Variants in SOX5 observed in about 807,000 individuals in gnomAD.
SOX5 encodes the protein transcription factor SOX-5.
A neutral mutation model predicts 92.0 loss-of-function variants in SOX5; 9 were observed. The observed-to-expected ratio is 0.10, with a 90% CI of 0.06 to 0.17. The LOEUF (loss-of-function observed/expected upper bound fraction) is 0.17, where lower values mean the gene tolerates loss of function less well. SOX5 is among the 10% of genes least tolerant of loss of function. The pLI is 1.00. For missense variants in SOX5, 642 were observed against 944.5 expected, an observed-to-expected ratio of 0.68 and a Z score of 4.20; for synonymous variants, 344 against 336.3, an observed-to-expected ratio of 1.02 and a Z score of -0.25.
At chr12:23,556,301 G>A (rs1945160628) in intron 11 of SOX5, among the ~76,000 whole-genome samples, 1 of 152,266 alleles carries the variant, frequency 6.6e-6, no homozygotes, top group East Asian at 1.9e-4. Context: ...AATTTGCAGG[G>A]TAGAGAGACT....
chr12:24,136,568 T>C (rs1950126784), intron 4 of SOX5, among the ~76,000 whole-genome samples: 1 of 152,182 alleles, frequency 6.6e-6, no homozygotes, highest in Non-Finnish European at 1.5e-5. Flanking sequence ...ATGACTAAAC[T>C]AAATTAATGA....
At chr12:24,228,720 A>G (rs1962663004) in intron 3 of SOX5, among the ~76,000 whole-genome samples, 1 of 152,114 alleles carries the variant, frequency 6.6e-6, no homozygotes, top group Admixed American at 6.5e-5. Context: ...CACACCCCAC[A>G]TACATACCAT....
intron 4 of SOX5, among the ~76,000 whole-genome samples, chr12:24,183,393 G>T (rs1471510625): frequency 1.3e-5 from 2 of 152,068 alleles, no homozygotes; most frequent in African/African-American, 2.4e-5. Flanking sequence ...TGACTGCAAA[G>T]GTTTTCCTGT....
rs1199390090 is a variant in SOX5 at position 23,664,170 on chromosome 12, G to A, written c.931+1274C>T. On this transcript the variant is annotated intron_variant, in intron 7 of 14. Transcript: ENST00000451604. ...ACGATATAGAGAAAGATTTAAAGAC[G>A]AGAAATAAATGTTGAAATCCCCAAT... Among the ~76,000 whole-genome samples, 6 of 152,034 alleles carry A rather than the reference G, an allele frequency of 3.9e-5. No homozygotes were observed. The East Asian group carries it at 7.7e-4, about 20-fold the overall frequency.
Position 23,792,338 on chromosome 12 carries a change from G to A in SOX5, c.482-36614C>T, listed in dbSNP as rs117059998. Among the ~76,000 whole-genome samples the A allele has an allele frequency of 6.4e-3, 964 of 151,746 alleles. 4 individuals are homozygous for A. The highest frequency in any genetic ancestry group is 0.011 in the Non-Finnish European group (716 of 67,904). ...ACATAACTAAGGCGATAAAAATCTC[G>A]GACAGGCCAGGCACAGTGGCTCATG... is the stretch of plus-strand genomic sequence containing the variant. On this transcript the variant is annotated intron_variant, in intron 3 of 14. Coordinates refer to ENST00000451604, the MANE Select transcript of SOX5 (RefSeq NM_006940.6).
intron 7 of SOX5, among the ~76,000 whole-genome samples, chr12:23,650,731 G>T (rs1254652211): frequency 6.6e-6 from 1 of 152,022 alleles, no homozygotes; most frequent in East Asian, 1.9e-4. Context: ...GAATGAATGG[G>T]GAACTATTCA....
intron 1 of SOX5, among the ~76,000 whole-genome samples, chr12:24,408,710 T>C (rs916779131): frequency 6.6e-6 from 1 of 152,256 alleles, no homozygotes; most frequent in Non-Finnish European, 1.5e-5. Context: ...CTGAATAGTG[T>C]TCTATGGTAT....
At chr12:23,570,632 C>T (rs986470465) in intron 10 of SOX5, among the ~76,000 whole-genome samples, 18 of 151,386 alleles carry the variant, frequency 1.2e-4, no homozygotes, top group African/African-American at 2.9e-4. Context: ...AAAAATTGGT[C>T]GGGTGTGGTG....
intron 4 of SOX5, among the ~76,000 whole-genome samples, chr12:24,154,572 A>G (rs1951978875): frequency 6.6e-6 from 1 of 152,154 alleles, no homozygotes; most frequent in African/African-American, 2.4e-5. Flanking sequence ...TTGTTAACCT[A>G]ATAACTCATT....
chr12:24,236,387 T>C (rs1348452074), intron 3 of SOX5, among the ~76,000 whole-genome samples: 5 of 152,128 alleles, frequency 3.3e-5, no homozygotes, highest in Non-Finnish European at 7.3e-5. Context: ...AACTTAATGA[T>C]ATAGAGTTAC....
chr12:24,170,274 G>A (rs7303176), intron 4 of SOX5, among the ~76,000 whole-genome samples: 71,897 of 152,048 alleles, frequency 0.47, 18,626 homozygotes, highest in East Asian at 0.83. Context: ...CGCCACATCT[G>A]CAAGGCAACT....
At chr12:24,289,452 TC>T (rs1946341649) in intron 2 of SOX5, among the ~76,000 whole-genome samples, 1 of 90,928 alleles carries the variant, frequency 1.1e-5, no homozygotes, top group Non-Finnish European at 2.0e-5. Context: ...GACATTTGTA[TC>T]TTTTTTTTTT....
At chr12:24,024,470 A>G (rs1190220466) in intron 4 of SOX5, among the ~76,000 whole-genome samples, 1 of 152,030 alleles carries the variant, frequency 6.6e-6, no homozygotes, top group Non-Finnish European at 1.5e-5. Context: ...AACCTCCCAA[A>G]TAACTGCTAT....
intron 4 of SOX5, among the ~76,000 whole-genome samples, chr12:24,172,597 C>A (rs748771554): frequency 6.6e-6 from 1 of 151,988 alleles, no homozygotes; most frequent in East Asian, 1.9e-4. Flanking sequence ...CAGTTTGGAT[C>A]GGAGGAACTG....
At chr12:23,756,557 T>G (rs1249091038) in intron 3 of SOX5, among the ~76,000 whole-genome samples, 1 of 151,964 alleles carries the variant, frequency 6.6e-6, no homozygotes, top group Non-Finnish European at 1.5e-5. Context: ...AATTGTATAT[T>G]CTTGTCAGCA....
chr12:23,947,969 T>A (rs1944896586), intron 1 of SOX5, among the ~76,000 whole-genome samples: 2 of 152,018 alleles, frequency 1.3e-5, no homozygotes, highest in Admixed American at 1.3e-4. Context: ...TAAAGAATAT[T>A]ATCATTTAAG....
chr12:23,568,841 C>A (rs1015272612), intron 10 of SOX5, among the ~76,000 whole-genome samples: 1 of 150,408 alleles, frequency 6.6e-6, no homozygotes, highest in Non-Finnish European at 1.5e-5. Context: ...GGCTTACACT[C>A]TTTGAATTCA....
At chr12:24,111,064 G>T (rs1264404047) in intron 4 of SOX5, among the ~76,000 whole-genome samples, 1 of 151,862 alleles carries the variant, frequency 6.6e-6, no homozygotes, top group Non-Finnish European at 1.5e-5. Flanking sequence ...CATTGTAGGG[G>T]GTATAGCAGC....
At chr12:24,338,613 C>T (rs1046157485) in intron 2 of SOX5, among the ~76,000 whole-genome samples, 1 of 152,124 alleles carries the variant, frequency 6.6e-6, no homozygotes, top group African/African-American at 2.4e-5. Context: ...GCTATGTCCC[C>T]GCCCAAGCCT....
Sources: gnomAD v4.1 joint callset for allele counts (sites outside exome capture counted in the v4.1 genomes callset) on GRCh38, gnomAD v4.1.1 for gene constraint, MANE v1.5 for transcripts, NCBI Gene and HGNC (gene_info 2026-07-23, HGNC 2026-07-21) for gene names.